TMEM39A: variants seen among roughly 807,000 people sequenced by gnomAD.
The protein encoded by TMEM39A is suppressor of SQST-1 aggregates in rpl-43 mutants.
Under a neutral mutation model 51.9 loss-of-function variants are expected in TMEM39A, and 19 were observed. The observed-to-expected ratio is 0.37, with a 90% CI of 0.26 to 0.54. The LOEUF (loss-of-function observed/expected upper bound fraction) is 0.54. TMEM39A is among the 20% of genes least tolerant of loss of function. The pLI is 0.88. For synonymous variants in TMEM39A, 197 were observed against 220.2 expected, an observed-to-expected ratio of 0.89 and a Z score of 0.93; for missense variants, 433 against 590.5, an observed-to-expected ratio of 0.73 and a Z score of 2.76.
chr3:119,457,172 G>A (rs1199409211), intron 3 of TMEM39A, among the ~76,000 whole-genome samples: 2 of 151,974 alleles, frequency 1.3e-5, no homozygotes, highest in African/African-American at 2.4e-5. Context: ...GGGTTTCACC[G>A]TGTTAGCCAG....
At chr3:119,447,312 T>C in intron 4 of TMEM39A, 140 bp from the exon 5 acceptor site, 2 of 755,362 alleles carry the variant, frequency 2.6e-6, no homozygotes, top group Non-Finnish European at 4.1e-6. Context: ...AACTGCCCCA[T>C]CCCACCTTAT....
At position 119,443,634 on chromosome 3, in the gene TMEM39A, G is replaced by A. The variant is rs1381869765; in HGVS notation, c.575+3384C>T. ...ACTTAATAGAATACAGATAGTATAA[G>A]GCTGGGCATGGTGGCTCCCCTCTGT... On this transcript the variant is annotated intron_variant, in intron 5 of 8. Transcript: ENST00000319172. 3.9e-5 allele frequency among the ~76,000 whole-genome samples: 6 copies of A among 152,134 alleles called. No individual in the cohort carries two copies. In the East Asian group the frequency reaches 1.2e-3, roughly 29 times the overall value.
intron 5 of TMEM39A, among the ~76,000 whole-genome samples, chr3:119,444,853 T>C (rs944885840): frequency 1.3e-5 from 2 of 152,116 alleles, no homozygotes; most frequent in African/African-American, 4.8e-5. Flanking sequence ...ACAAAGACTC[T>C]GGAATCAAAA....
chr3:119,437,897 T>G lies in TMEM39A; in HGVS notation c.782A>C (p.His261Pro), dbSNP rs2080994363. ...QFNNATPIPTHSCPLSPDLIR... is the reference protein window; with the variant it reads ...QFNNATPIPTPSCPLSPDLIR... ...GAGGTCTGGAGATAGGGGACAACTG[T>G]GGGTGGGGATGGGTGTGGCATTATT... The change falls in exon 6 of 9, where the codon CAC (histidine) becomes CCC (proline). Residue 261 changes from histidine to proline, a missense_variant. Coordinates refer to ENST00000319172, the MANE Select transcript of TMEM39A (RefSeq NM_018266.3). The G allele has an allele frequency of 9.3e-6, 15 of 1,613,476 alleles. No individual in the cohort carries two copies. The highest frequency in any genetic ancestry group is 1.3e-5 in the Non-Finnish European group (15 of 1,179,596).
chr3:119,460,739 G>A (rs531798924), intron 2 of TMEM39A, among the ~76,000 whole-genome samples: 2 of 152,300 alleles, frequency 1.3e-5, no homozygotes, highest in Non-Finnish European at 2.9e-5. Flanking sequence ...GAGTTAGGAG[G>A]CAAAGTTAGA....
chr3:119,433,293 T>G (rs2080924538), intron 8 of TMEM39A, among the ~76,000 whole-genome samples: 1 of 152,204 alleles, frequency 6.6e-6, no homozygotes. Context: ...GAAACTTCAG[T>G]GTGCCTAAGA....
intron 5 of TMEM39A, among the ~76,000 whole-genome samples, chr3:119,444,396 G>C (rs2081096221): frequency 6.6e-6 from 1 of 151,682 alleles, no homozygotes; most frequent in Admixed American, 6.6e-5. Context: ...TATGAAATCA[G>C]AGTCATGAAA....
intron 4 of TMEM39A, among the ~76,000 whole-genome samples, chr3:119,450,806 G>A (rs1403373160): frequency 9.3e-6 from 1 of 107,884 alleles, no homozygotes; most frequent in Non-Finnish European, 1.7e-5. Flanking sequence ...CAACCTAGGC[G>A]ACAGAGCCAG....
chr3:119,448,004 T>C (rs929735072), intron 4 of TMEM39A, among the ~76,000 whole-genome samples: 1 of 152,218 alleles, frequency 6.6e-6, no homozygotes, highest in African/African-American at 2.4e-5. Flanking sequence ...GCAGTAACAA[T>C]ATTTTTATTT....
intron 2 of TMEM39A, among the ~76,000 whole-genome samples, chr3:119,459,835 A>T (rs986324047): frequency 6.6e-6 from 1 of 152,190 alleles, no homozygotes; most frequent in African/African-American, 2.4e-5. Flanking sequence ...AGTATGTAAT[A>T]CTGAAGCAAT....
chr3:119,462,455 C>T (rs2081350646), intron 1 of TMEM39A, among the ~76,000 whole-genome samples: 1 of 152,066 alleles, frequency 6.6e-6, no homozygotes, highest in South Asian at 2.1e-4. Context: ...ACACCTTATA[C>T]ATTTCCAGCT....
intron 4 of TMEM39A, among the ~76,000 whole-genome samples, chr3:119,447,764 C>T (rs2081147365): frequency 6.6e-6 from 1 of 152,138 alleles, no homozygotes; most frequent in Non-Finnish European, 1.5e-5. Context: ...AGCTGGGATA[C>T]AGGCGTACAC....
intron 1 of TMEM39A, among the ~76,000 whole-genome samples, chr3:119,462,744 G>C (rs1432112597): frequency 3.4e-5 from 5 of 146,364 alleles, no homozygotes; most frequent in African/African-American, 5.1e-5. Flanking sequence ...AAGTAAAACT[G>C]TTCGAGTGGT....
intron 5 of TMEM39A, among the ~76,000 whole-genome samples, chr3:119,443,887 A>G (rs1449340368): frequency 1.3e-5 from 2 of 152,054 alleles, no homozygotes; most frequent in Non-Finnish European, 2.9e-5. Context: ...CCTGGGCAAC[A>G]CAGCAAGACC....
At chr3:119,445,448 A>G (rs2081111818) in intron 5 of TMEM39A, among the ~76,000 whole-genome samples, 1 of 152,154 alleles carries the variant, frequency 6.6e-6, no homozygotes, top group African/African-American at 2.4e-5. Flanking sequence ...TATTTTTAGT[A>G]GAGACGGGGT....
chr3:119,432,280 A>G, intron 8 of TMEM39A, 66 bp from the exon 9 acceptor site: 1 of 1,161,614 alleles, frequency 8.6e-7, no homozygotes, highest in Non-Finnish European at 1.2e-6. Flanking sequence ...TTATTCTTGC[A>G]TTGATTTTTC....
At chr3:119,451,830 C>CAAAAAAAAAAAAAAAA (rs10653676) in intron 4 of TMEM39A, among the ~76,000 whole-genome samples, 1 of 54,304 alleles carries the variant, frequency 1.8e-5, no homozygotes, top group Non-Finnish European at 3.2e-5. Flanking sequence ...AACTCCGTCT[C>CAAAAAAAAAAAAAAAA]AAAAAAAAAA....
chr3:119,435,420 C>A (rs144709482), intron 7 of TMEM39A: 2 of 981,454 alleles, frequency 2.0e-6, no homozygotes, highest in Middle Eastern at 5.2e-4. Flanking sequence ...TAGAACACAG[C>A]GATACATCTC....
At chr3:119,460,090 A>G (rs1403996965) in intron 2 of TMEM39A, among the ~76,000 whole-genome samples, 1 of 152,044 alleles carries the variant, frequency 6.6e-6, no homozygotes, top group Non-Finnish European at 1.5e-5. Flanking sequence ...TGTCACAAAT[A>G]ATCACTCAAT....
Sources: allele counts gnomAD v4.1 joint callset (sites outside exome capture counted in the v4.1 genomes callset), GRCh38; gene constraint gnomAD v4.1.1; transcripts MANE v1.5; gene names NCBI Gene and HGNC (gene_info 2026-07-23, HGNC 2026-07-21).